Variants in CUL3 observed in about 807,000 individuals in gnomAD.
The protein encoded by CUL3 is cullin 3, also known as cullin-3.
Under a neutral mutation model 89.1 loss-of-function variants are expected in CUL3, and 19 were observed. The observed-to-expected ratio is 0.21, with a 90% CI of 0.15 to 0.31. The LOEUF (loss-of-function observed/expected upper bound fraction) is 0.31. Ranked by LOEUF, CUL3 falls within the 10% of genes least tolerant of loss-of-function variation. CUL3 has a pLI of 1.00. For synonymous variants in CUL3, 351 were observed against 308.4 expected (o/e 1.14, Z -1.45); for missense variants, 469 against 942.3 (o/e 0.50, Z 6.58).
intron 3 of CUL3, among the ~76,000 whole-genome samples, chr2:224,525,153 TG>T (rs767371023): frequency 1.2e-4 from 18 of 152,284 alleles, no homozygotes; most frequent in Non-Finnish European, 1.6e-4. Flanking sequence ...ATGGAACAAG[TG>T]ATACACCTTA....
rs73077723 is a variant in CUL3 at position 224,491,699 on chromosome 2, C to T, written c.1842+4133G>A. 1.1e-3 allele frequency among the ~76,000 whole-genome samples: 173 copies of T among 152,222 alleles called. 1 individual carries two copies. Among genetic ancestry groups the T allele is most frequent in the Middle Eastern group, 3.4e-3 (1 of 294 alleles). ...TAACTACTACAATGATTTAGTTTGT[C>T]ATCAGATACAACCTTATGGCATTAA... On this transcript the variant is annotated intron_variant, in intron 13 of 15. Coordinates refer to ENST00000264414, the MANE Select transcript of CUL3 (RefSeq NM_003590.5).
intron 8 of CUL3, 50 bp from the exon 9 acceptor site, chr2:224,503,872 G>C (rs2106198000): frequency 7.3e-7 from 1 of 1,364,458 alleles, no homozygotes; most frequent in Non-Finnish European, 9.8e-7. Context: ...TTCTACAAAA[G>C]CAGTACTACG....
At chr2:224,572,985 C>G (rs1290771589) in intron 1 of CUL3, among the ~76,000 whole-genome samples, 1 of 152,164 alleles carries the variant, frequency 6.6e-6, no homozygotes, top group African/African-American at 2.4e-5. Flanking sequence ...AAAAAGATTT[C>G]AAGAGTCACT....
At chr2:224,536,999 T>C (rs1443928050) in intron 2 of CUL3, among the ~76,000 whole-genome samples, 1 of 152,194 alleles carries the variant, frequency 6.6e-6, no homozygotes, top group East Asian at 1.9e-4. Context: ...TAAACAAAAC[T>C]TTTTTATCTC....
intron 3 of CUL3, among the ~76,000 whole-genome samples, chr2:224,518,788 C>A (rs1002480383): frequency 6.6e-6 from 1 of 152,110 alleles, no homozygotes; most frequent in Non-Finnish European, 1.5e-5. Flanking sequence ...AATAAATGTA[C>A]ACTTCACTAC....
At chr2:224,476,587 T>A (rs7588380) in intron 15 of CUL3, among the ~76,000 whole-genome samples, 43,962 of 151,964 alleles carry the variant, frequency 0.29, 6,712 homozygotes, top group Middle Eastern at 0.4. Context: ...CCTACACATG[T>A]ACATTTATCC....
At chr2:224,476,660 G>A (rs147935023) in intron 15 of CUL3, among the ~76,000 whole-genome samples, 60 of 152,202 alleles carry the variant, frequency 3.9e-4, no homozygotes, top group Middle Eastern at 3.4e-3. Flanking sequence ...CTCAGGAAGA[G>A]GCATGTTCAG....
intron 1 of CUL3, among the ~76,000 whole-genome samples, chr2:224,574,186 G>A (rs931345426): frequency 2.0e-5 from 3 of 152,100 alleles, no homozygotes; most frequent in African/African-American, 4.8e-5. Context: ...CTTTGAAGTC[G>A]TTTTATTCAT....
rs1692974136 is a variant in CUL3, at chr2:224,514,778, G to A, written c.379-6C>T. 6.3e-7 allele frequency: 1 copy of A among 1,597,014 alleles called. No individual in the cohort carries two copies. The highest frequency in any genetic ancestry group is 8.6e-7 in the Non-Finnish European group (1 of 1,165,446). On this transcript the variant is annotated splice_polypyrimidine_tract_variant and splice_region_variant and intron_variant, in intron 3 of 15. Coordinates refer to ENST00000264414, the MANE Select transcript of CUL3 (RefSeq NM_003590.5). ...TGTTGTACATACACACGGTCCTACA[G>A]TTAAAGTCATATAAATATGAGTACA... is the stretch of plus-strand genomic sequence containing the variant.
intron 2 of CUL3, among the ~76,000 whole-genome samples, chr2:224,546,954 A>G (rs982197369): frequency 2.6e-5 from 4 of 152,206 alleles, no homozygotes; most frequent in East Asian, 1.9e-4. Flanking sequence ...CACTATCCCC[A>G]TATCATACCC....
intron 2 of CUL3, among the ~76,000 whole-genome samples, chr2:224,537,758 T>G (rs1036251342): frequency 1.3e-5 from 2 of 152,196 alleles, no homozygotes; most frequent in East Asian, 3.8e-4. Flanking sequence ...AGGACTTATA[T>G]GAACTTCTAC....
intron 13 of CUL3, among the ~76,000 whole-genome samples, chr2:224,484,792 TAAA>T (rs1691656869): frequency 6.6e-6 from 1 of 152,126 alleles, no homozygotes; most frequent in African/African-American, 2.4e-5. Flanking sequence ...TTCCCACAAA[TAAA>T]AAACAATTAA....
At chr2:224,500,085 C>G in intron 11 of CUL3, 1 of 283,202 alleles carries the variant, frequency 3.5e-6, no homozygotes, top group Non-Finnish European at 6.9e-6. Context: ...TCATCATTTA[C>G]TTTCTCTTTT....
intron 2 of CUL3, among the ~76,000 whole-genome samples, chr2:224,542,546 T>TGTGC (rs1190360645): frequency 5.5e-5 from 8 of 144,196 alleles, no homozygotes; most frequent in African/African-American, 1.6e-4. Context: ...CTTCTGGCTG[T>TGTGC]GTGCGTGTGC....
At chr2:224,524,420 C>G (rs1004677093) in intron 3 of CUL3, among the ~76,000 whole-genome samples, 1 of 152,084 alleles carries the variant, frequency 6.6e-6, no homozygotes, top group African/African-American at 2.4e-5. Flanking sequence ...GGTGATGACA[C>G]CAAGAATCCA....
intron 6 of CUL3, among the ~76,000 whole-genome samples, chr2:224,508,021 T>C (rs1438758966): frequency 6.6e-6 from 1 of 152,026 alleles, no homozygotes; most frequent in Non-Finnish European, 1.5e-5. Context: ...CCACAGATAA[T>C]ACATAAATTA....
At chr2:224,570,518 T>C (rs1311359957) in intron 1 of CUL3, among the ~76,000 whole-genome samples, 1 of 152,208 alleles carries the variant, frequency 6.6e-6, no homozygotes, top group Non-Finnish European at 1.5e-5. Flanking sequence ...AAGAGACATA[T>C]AGCCTTGATT....
intron 13 of CUL3, among the ~76,000 whole-genome samples, chr2:224,482,428 A>G (rs1400194836): frequency 2.0e-5 from 3 of 152,128 alleles, no homozygotes; most frequent in African/African-American, 4.8e-5. Context: ...AATTTTATAA[A>G]TATTTTACAA....
At chr2:224,486,858 C>A (rs950349906) in intron 13 of CUL3, among the ~76,000 whole-genome samples, 1 of 152,106 alleles carries the variant, frequency 6.6e-6, no homozygotes, top group Non-Finnish European at 1.5e-5. Context: ...ATGTTAAGGG[C>A]AGCCAGAAAG....
Sources: allele counts gnomAD v4.1 joint callset (sites outside exome capture counted in the v4.1 genomes callset), GRCh38; gene constraint gnomAD v4.1.1; transcripts MANE v1.5; gene names NCBI Gene and HGNC (gene_info 2026-07-23, HGNC 2026-07-21).